PTPN21: variants seen among roughly 807,000 people sequenced by gnomAD.
PTPN21 encodes protein tyrosine phosphatase non-receptor type 21, also known as tyrosine-protein phosphatase non-receptor type 21.
Under a neutral mutation model 131.8 loss-of-function variants are expected in PTPN21, and 77 were observed. That is an observed-to-expected ratio of 0.58 (90% CI 0.49 to 0.71). The LOEUF is 0.71. Ranked by LOEUF, PTPN21 falls within the 30% of genes least tolerant of loss-of-function variation. PTPN21 has a pLI of 0.00. For synonymous variants in PTPN21, 715 were observed against 621.3 expected, an observed-to-expected ratio of 1.15 and a Z score of -2.24; for missense variants, 1,552 against 1,527.1, an observed-to-expected ratio of 1.02 and a Z score of -0.27.
rs757748137 is a variant in PTPN21 at position 88,500,753 on chromosome 14, A to C, written c.764+30T>G. The C allele has an allele frequency of 8.7e-5, 128 of 1,471,214 alleles. No individual in the cohort carries two copies. In the East Asian group the frequency reaches 2.3e-3, roughly 26 times the overall value. 91.1% of individuals were successfully genotyped at this position (1,471,214 alleles called of 1,614,324 possible). A position where few individuals can be genotyped will look rare whatever the true frequency, so the allele number is the denominator to read the frequency against. On this transcript the variant is annotated intron_variant, in intron 8 of 18. Coordinates refer to ENST00000556564, the MANE Select transcript of PTPN21 (RefSeq NM_007039.4). ...AATGTATCACCAACAGGAGCCATAGAAAACATACAAAAAGAGGTAAGAAAA... is the reference window on the plus strand; with the variant it reads ...AATGTATCACCAACAGGAGCCATAGCAAACATACAAAAAGAGGTAAGAAAA...
chr14:88,551,335 G>T (rs1460105899), intron 1 of PTPN21: 1 of 152,288 alleles, frequency 6.6e-6, no homozygotes, highest in Non-Finnish European at 1.5e-5. Flanking sequence ...CGGCCCAGAA[G>T]GGGAGGCGGG....
At chr14:88,550,024 T>C (rs1316761994) in intron 2 of PTPN21, among the ~76,000 whole-genome samples, 5 of 152,070 alleles carry the variant, frequency 3.3e-5, no homozygotes, top group African/African-American at 4.8e-5. Context: ...GACCTTGTGA[T>C]TCGCCCGCCT....
At chr14:88,530,437 G>T (rs2078540045) in intron 2 of PTPN21, among the ~76,000 whole-genome samples, 1 of 152,148 alleles carries the variant, frequency 6.6e-6, no homozygotes. Flanking sequence ...TCACATTTCA[G>T]TACTAACCTT....
In PTPN21 at chr14:88,532,689, T is replaced by C. The variant is rs143303560; in HGVS notation, c.181-15428A>G. On this transcript the variant is annotated intron_variant, in intron 2 of 18. Transcript: ENST00000556564. ...ATCCAATCCAAAGCAGATTAAAAGATGACAAATTAAAGGAAAAGGGCTTAT... is the reference window on the plus strand; with the variant it reads ...ATCCAATCCAAAGCAGATTAAAAGACGACAAATTAAAGGAAAAGGGCTTAT... Among the ~76,000 whole-genome samples, 862 of 152,288 alleles carry C rather than the reference T, an allele frequency of 5.7e-3. 11 individuals carry two copies. Among genetic ancestry groups the C allele is most frequent in the African/African-American group, 0.02 (832 of 41,574 alleles).
chr14:88,467,988 C>G lies in PTPN21; in HGVS notation c.*149G>C. The G allele has an allele frequency of 4.0e-6, 4 of 1,008,032 alleles. No individual in the cohort carries two copies. The highest frequency in any genetic ancestry group is 6.1e-6 in the Non-Finnish European group (4 of 660,160). The allele number at this position is 1,008,032 out of a possible 1,614,324, so 62.4% of individuals were successfully genotyped here. On this transcript the variant is annotated 3_prime_UTR_variant, in exon 19 of 19. Coordinates refer to ENST00000556564, the MANE Select transcript of PTPN21 (RefSeq NM_007039.4). ...CAGCCTGTGCTTCGCACGTTTCCTT[C>G]AGCGTGCCGCCATTCAGACTGCGCC...
intron 10 of PTPN21, among the ~76,000 whole-genome samples, chr14:88,493,741 T>C (rs371383790): frequency 1.3e-5 from 2 of 151,804 alleles, no homozygotes; most frequent in South Asian, 2.1e-4. Context: ...GTTGTGGGAA[T>C]TGAGTGCAAC....
At chr14:88,503,632 G>A (rs145250029) in intron 6 of PTPN21, among the ~76,000 whole-genome samples, 1 of 152,306 alleles carries the variant, frequency 6.6e-6, no homozygotes, top group East Asian at 1.9e-4. Context: ...TGTGTTAGAT[G>A]ATTTTGCCCA....
chr14:88,495,768 G>C (rs899844691), intron 10 of PTPN21, among the ~76,000 whole-genome samples: 2 of 152,126 alleles, frequency 1.3e-5, no homozygotes, highest in African/African-American at 2.4e-5. Context: ...AGGAGCTGTC[G>C]GAGGATCAGT....
rs1458086245 is a variant in PTPN21 at position 88,468,061 on chromosome 14, G to A, written c.*76C>T. ...GCGTGGATCAAGTGTCAACGGGAAA[G>A]TATGAGTTAGGCAAGCGCTTTTTTT... On this transcript the variant is annotated 3_prime_UTR_variant, in exon 19 of 19. Transcript: ENST00000556564. 6.5e-7 allele frequency: 1 copy of A among 1,534,944 alleles called. No homozygotes were observed. Among genetic ancestry groups the A allele is most frequent in the African/African-American group, 1.4e-5 (1 of 72,392 alleles).
In PTPN21 at chr14:88,468,911, A is replaced by T; in HGVS notation, c.3396+5T>A. 6.2e-7 allele frequency: 1 copy of T among 1,614,040 alleles called. No individual in the cohort carries two copies. Among genetic ancestry groups the T allele is most frequent in the Non-Finnish European group, 8.5e-7 (1 of 1,179,974 alleles). On this transcript the variant is annotated splice_donor_5th_base_variant and intron_variant, in intron 18 of 18. Transcript: ENST00000556564. ...AAAAGGCCAGGTGATCATAAGCGCC[A>T]TCACCTCATTGTGTTCCAGGCAGGC...
Position 88,468,177 on chromosome 14 carries a change from CTG to C in PTPN21, c.3483_3484del (p.Tyr1161Ter). 2 of 1,613,746 alleles carry C rather than the reference CTG, an allele frequency of 1.2e-6. No individual in the cohort carries two copies. Among genetic ancestry groups the C allele is most frequent in the Non-Finnish European group, 1.7e-6 (2 of 1,179,660 alleles). The stretch of plus-strand genomic sequence containing the variant: ...GCTTTTCAGGAACTGGATGAGGACT[CTG>C]TACACAAATGTGTACTGGCAGAGAG... On this transcript the variant is annotated stop_gained and frameshift_variant, in exon 19 of 19. Coordinates refer to ENST00000556564, the MANE Select transcript of PTPN21 (RefSeq NM_007039.4). LOFTEE classifies it high-confidence loss of function.
chr14:88,541,758 G>T (rs2078709711), intron 2 of PTPN21, among the ~76,000 whole-genome samples: 1 of 152,234 alleles, frequency 6.6e-6, no homozygotes, highest in Non-Finnish European at 1.5e-5. Context: ...TCAGCGAGGG[G>T]AGGCTCTATA....
At chr14:88,491,690 T>C (rs1308879103) in intron 10 of PTPN21, among the ~76,000 whole-genome samples, 2 of 152,180 alleles carry the variant, frequency 1.3e-5, no homozygotes, top group Non-Finnish European at 2.9e-5. Flanking sequence ...ACGCTCACAA[T>C]GAAATATATT....
intron 3 of PTPN21, 61 bp from the exon 4 acceptor site, chr14:88,508,081 AT>A: frequency 1.2e-6 from 1 of 858,210 alleles, no homozygotes; most frequent in South Asian, 1.8e-5. Flanking sequence ...GATACAATGC[AT>A]TTAACCATAA....
In PTPN21 at chr14:88,479,313, C is replaced by T; in HGVS notation, c.2118G>A (p.Met706Ile). The change falls in exon 13 of 19, where the codon ATG becomes ATA. Residue 706 changes from methionine to isoleucine, a missense_variant. Met to Ile is a conservative substitution (Grantham distance 10). This residue lies in a region of PTPN21 where 1,016 missense variants were observed against 883.5 expected (regional missense o/e 1.15). Coordinates refer to ENST00000556564, the MANE Select transcript of PTPN21 (RefSeq NM_007039.4). The part of the protein sequence containing the change: ...GHKKSLSDAT[M>I]LIHSSEEEED... ...CCTCCTCCTCGCTGCTGTGGATTAG[C>T]ATGGTGGCGTCCGACAGGGACTTCT... 6.2e-7 allele frequency: 1 copy of T among 1,613,448 alleles called. No individual in the cohort carries two copies. The highest frequency in any genetic ancestry group is 8.5e-7 in the Non-Finnish European group (1 of 1,179,630).
chr14:88,521,073 G>C (rs993802898), intron 2 of PTPN21, among the ~76,000 whole-genome samples: 3 of 151,620 alleles, frequency 2.0e-5, no homozygotes, highest in Admixed American at 2.0e-4. Flanking sequence ...TCTTAAACTG[G>C]CTTCAAGTGA....
intron 2 of PTPN21, among the ~76,000 whole-genome samples, chr14:88,536,558 G>C (rs185949668): frequency 6.6e-6 from 1 of 152,154 alleles, no homozygotes; most frequent in Non-Finnish European, 1.5e-5. Context: ...GTCCCCTAAG[G>C]AGACGTCAGC....
At position 88,492,093 on chromosome 14, in the gene PTPN21, T is replaced by C. The variant is rs182453017; in HGVS notation, c.932+4320A>G. On this transcript the variant is annotated intron_variant, in intron 10 of 18. Coordinates refer to ENST00000556564, the MANE Select transcript of PTPN21 (RefSeq NM_007039.4). ...AACAGGCACTAACCACCAACCAATATGGATGCCTCATGGAAAGGGATTATG... is the reference window on the plus strand; with the variant it reads ...AACAGGCACTAACCACCAACCAATACGGATGCCTCATGGAAAGGGATTATG... Among the ~76,000 whole-genome samples the C allele has an allele frequency of 2.6e-5, 4 of 151,510 alleles. No individual in the cohort carries two copies. In the East Asian group the frequency reaches 7.7e-4, roughly 29 times the overall value.
chr14:88,499,066 G>C (rs1243612578), intron 8 of PTPN21, among the ~76,000 whole-genome samples: 1 of 152,148 alleles, frequency 6.6e-6, no homozygotes, highest in African/African-American at 2.4e-5. Flanking sequence ...GTGACACTTT[G>C]GGCACCATCA....
Sources: allele counts gnomAD v4.1 joint callset (sites outside exome capture counted in the v4.1 genomes callset), GRCh38; gene constraint gnomAD v4.1.1; regional missense constraint gnomAD v4.1.1; transcripts MANE v1.5; gene names NCBI Gene and HGNC (gene_info 2026-07-23, HGNC 2026-07-21).